Variants in INSL6 observed in about 807,000 individuals in gnomAD.
INSL6 encodes the protein insulin-like peptide INSL6.
A neutral mutation model predicts 9.4 loss-of-function variants in INSL6; 16 were observed. The ratio of observed to expected loss-of-function variants is 1.70; its 90% confidence interval spans 1.15 to 2.59. The LOEUF (loss-of-function observed/expected upper bound fraction) is 2.59, where lower values mean the gene tolerates loss of function less well. INSL6 is among the 30% of genes most tolerant of loss of function. The pLI, the probability that INSL6 is intolerant of heterozygous loss-of-function variation, is 0.00. For synonymous variants in INSL6, 154 were observed against 96.9 expected, an observed-to-expected ratio of 1.59 and a Z score of -3.46; for missense variants, 391 against 257.3, an observed-to-expected ratio of 1.52 and a Z score of -3.56.
intron 1 of INSL6, among the ~76,000 whole-genome samples, chr9:5,178,426 T>C (rs1586879740): frequency 6.6e-6 from 1 of 151,898 alleles, no homozygotes; most frequent in Admixed American, 6.6e-5. Flanking sequence ...CCAGACTGCT[T>C]CTTTAAGCAG....
chr9:5,010,445 C>T, the INSL6 span, among the ~76,000 whole-genome samples: 2 of 152,016 alleles, frequency 1.3e-5, no homozygotes, highest in Admixed American at 6.5e-5. Context: ...CTCAGCCTCC[C>T]GTGTAGCTGG....
At chr9:5,178,833 C>T (rs1825379211) in intron 1 of INSL6, among the ~76,000 whole-genome samples, 1 of 152,074 alleles carries the variant, frequency 6.6e-6, no homozygotes, top group Non-Finnish European at 1.5e-5. Flanking sequence ...AAACTGGACC[C>T]CTTCCTTACA....
chr9:5,109,183 A>G, the INSL6 span: 2 of 152,350 alleles, frequency 1.3e-5, no homozygotes, highest in African/African-American at 4.8e-5. Flanking sequence ...CTTACATATT[A>G]CATTAACAGT....
At chr9:5,049,117 C>A in the INSL6 span, among the ~76,000 whole-genome samples, 1 of 152,136 alleles carries the variant, frequency 6.6e-6, no homozygotes, top group African/African-American at 2.4e-5. Context: ...CTTTTAGTAT[C>A]TTCTGTTTCC....
At chr9:5,085,654 G>A in the INSL6 span, 5 of 724,268 alleles carry the variant, frequency 6.9e-6, no homozygotes, top group Non-Finnish European at 1.3e-5. Context: ...GATCTTGTGT[G>A]TTTTCCTTTT....
chr9:5,152,861 T>A (rs575150246), intron 2 of INSL6, among the ~76,000 whole-genome samples: 1 of 152,128 alleles, frequency 6.6e-6, no homozygotes, highest in Non-Finnish European at 1.5e-5. Context: ...ATTCATCTCA[T>A]TGGGACTGGT....
At chr9:5,163,811 G>A (rs1042034329), downstream of INSL6, 9 of 759,646 alleles carry the variant, frequency 1.2e-5, no homozygotes, top group African/African-American at 1.8e-5. Context: ...AGTACATTCA[G>A]ACATTTTTCA....
At chr9:5,171,459 A>G (rs1184574786) in intron 1 of INSL6, among the ~76,000 whole-genome samples, 3 of 152,322 alleles carry the variant, frequency 2.0e-5, no homozygotes, top group African/African-American at 4.8e-5. Flanking sequence ...CCTATTCAAC[A>G]TAGTATCTGA....
At chr9:5,131,476 C>T (rs143282181) in intron 3 of INSL6, among the ~76,000 whole-genome samples, 11,949 of 121,440 alleles carry the variant, frequency 0.098, 1,606 homozygotes, top group African/African-American at 0.34. Context: ...TTGCTCTTGT[C>T]GTCCAGGCTG....
intron 1 of INSL6, among the ~76,000 whole-genome samples, chr9:5,166,014 G>A (rs1226737266): frequency 1.3e-5 from 2 of 152,176 alleles, no homozygotes; most frequent in Non-Finnish European, 1.5e-5. Context: ...TCCACGTCAT[G>A]TGAAAAACAT....
chr9:5,113,008 C>T, the INSL6 span, among the ~76,000 whole-genome samples: 276 of 152,144 alleles, frequency 1.8e-3, no homozygotes, highest in Non-Finnish European at 2.8e-3. Context: ...GTGATGGGGG[C>T]AAGGAAGGTG....
chr9:5,139,202 G>A (rs1824442622), intron 2 of INSL6, among the ~76,000 whole-genome samples: 1 of 152,122 alleles, frequency 6.6e-6, no homozygotes, highest in Non-Finnish European at 1.5e-5. Flanking sequence ...TAAAAGAATT[G>A]GAGGCATTCT....
chr9:5,019,165 C>A, the INSL6 span, among the ~76,000 whole-genome samples: 1 of 152,058 alleles, frequency 6.6e-6, no homozygotes, highest in Non-Finnish European at 1.5e-5. Context: ...TTTGTATTTT[C>A]ATTGTCTTCT....
chr9:5,167,326 G>A (rs894202641), intron 1 of INSL6, among the ~76,000 whole-genome samples: 2 of 152,216 alleles, frequency 1.3e-5, no homozygotes, highest in Non-Finnish European at 2.9e-5. Flanking sequence ...GCAGACTGAT[G>A]GTGGCTGCTG....
intron 2 of INSL6, among the ~76,000 whole-genome samples, chr9:5,154,256 A>G (rs1046642867): frequency 3.3e-5 from 5 of 152,266 alleles, no homozygotes; most frequent in African/African-American, 1.2e-4. Context: ...GTGTTGGGAA[A>G]ACAGGCTAGT....
chr9:5,127,078 T>A (rs1289597619), intron 3 of INSL6: 7 of 266,656 alleles, frequency 2.6e-5, no homozygotes, highest in Admixed American at 5.2e-5. Flanking sequence ...AAAAATAGAC[T>A]TTTTCAACTC....
intron 1 of INSL6, among the ~76,000 whole-genome samples, chr9:5,183,338 T>G (rs919455281): frequency 6.6e-6 from 1 of 152,192 alleles, no homozygotes; most frequent in Non-Finnish European, 1.5e-5. Flanking sequence ...TTCAGCAAAC[T>G]GTCTTTTACA....
the INSL6 span, chr9:5,114,477 G>A: frequency 2.8e-5 from 13 of 466,318 alleles, no homozygotes; most frequent in South Asian, 5.6e-5. Context: ...CAAGATCAGC[G>A]GCCCATGTGC....
the INSL6 span, chr9:5,112,480 C>A: frequency 1.8e-6 from 1 of 554,012 alleles, no homozygotes; most frequent in Non-Finnish European, 3.3e-6. Context: ...CCGGACCAGC[C>A]CAGACAAGGA....
Sources: allele counts gnomAD v4.1 joint callset (sites outside exome capture counted in the v4.1 genomes callset), GRCh38; gene constraint gnomAD v4.1.1; transcripts MANE v1.5; gene names NCBI Gene and HGNC (gene_info 2026-07-23, HGNC 2026-07-21).